Variants in MRAP2 observed in about 807,000 individuals in gnomAD.
MRAP2 encodes the protein melanocortin 2 receptor accessory protein 2, also known as melanocortin-2 receptor accessory protein 2.
Under a neutral mutation model 17.4 loss-of-function variants are expected in MRAP2, and 20 were observed. That is an observed-to-expected ratio of 1.15 (90% confidence interval 0.81 to 1.67). The LOEUF (loss-of-function observed/expected upper bound fraction) is 1.67, where lower values mean the gene tolerates loss of function less well. MRAP2 is among the 40% of genes most tolerant of loss of function. The pLI is 0.00. For synonymous variants in MRAP2, 96 were observed against 88.4 expected, an observed-to-expected ratio of 1.09 and a Z score of -0.48; for missense variants, 238 against 240.0, an observed-to-expected ratio of 0.99 and a Z score of 0.05.
chr6:84,140,027 TTTATC>T, the MRAP2 span, among the ~76,000 whole-genome samples: 5 of 148,728 alleles, frequency 3.4e-5, no homozygotes, highest in African/African-American at 1.3e-4. Context: ...AGGTTCACCT[TTTATC>T]TTGTTTTATG....
intron 3 of MRAP2, among the ~76,000 whole-genome samples, chr6:84,080,797 G>A (rs1238861865): frequency 6.6e-6 from 1 of 152,140 alleles, no homozygotes; most frequent in Non-Finnish European, 1.5e-5. Flanking sequence ...ATCTCAGTTT[G>A]CCTAACAGTT....
the MRAP2 span, among the ~76,000 whole-genome samples, chr6:84,144,659 A>AGATT: frequency 1.3e-5 from 2 of 152,118 alleles, no homozygotes; most frequent in Non-Finnish European, 2.9e-5. Flanking sequence ...TCTAATGAAA[A>AGATT]GATTGATTGG....
the MRAP2 span, among the ~76,000 whole-genome samples, chr6:84,097,466 G>T: frequency 1.3e-5 from 2 of 151,770 alleles, no homozygotes; most frequent in South Asian, 4.2e-4. Context: ...TATTTAAGAG[G>T]GATTCAAATT....
At chr6:84,117,230 C>T in the MRAP2 span, among the ~76,000 whole-genome samples, 1 of 152,108 alleles carries the variant, frequency 6.6e-6, no homozygotes, top group Non-Finnish European at 1.5e-5. Context: ...ACCATATTGG[C>T]CAGGCTGGTC....
At chr6:84,033,729 G>C (rs1386952350), upstream of MRAP2, 3 of 985,168 alleles carry the variant, frequency 3.0e-6, no homozygotes, top group African/African-American at 5.2e-5. Context: ...CTCCGCTGCG[G>C]GTCGGGAGCG....
chr6:84,036,369 A>G (rs75585488), intron 1 of MRAP2, among the ~76,000 whole-genome samples: 1,891 of 152,278 alleles, frequency 0.012, 46 homozygotes, highest in African/African-American at 0.043. Flanking sequence ...GTGATGGTGT[A>G]TCTGAAATTG....
At position 84,073,540 on chromosome 6, in the gene MRAP2, G is replaced by A. The variant is rs536395408; in HGVS notation, c.227+10548G>A. 5.3e-5 allele frequency among the ~76,000 whole-genome samples: 8 copies of A among 152,300 alleles called. 1 individual carries two copies. The highest frequency in any genetic ancestry group is 1.9e-4 in the African/African-American group (8 of 41,562). On this transcript the variant is annotated intron_variant, in intron 3 of 3. Transcript: ENST00000257776. ...AGTGGATCTGGAGCTAAAATTCAGT[G>A]TGAGCCTCTGCACACTGCTCTGTCC... is the stretch of plus-strand genomic sequence containing the variant.
At chr6:84,061,869 T>TA (rs2099493260) in intron 2 of MRAP2, 1 of 985,464 alleles carries the variant, frequency 1.0e-6, no homozygotes, top group African/African-American at 1.7e-5. Flanking sequence ...GAATCTCTTT[T>TA]ACTCTGGAAA....
At chr6:84,130,895 T>G in the MRAP2 span, among the ~76,000 whole-genome samples, 1 of 152,330 alleles carries the variant, frequency 6.6e-6, no homozygotes, top group African/African-American at 2.4e-5. Context: ...TGTCTTCTGC[T>G]AGCTTTTGAA....
At chr6:84,131,997 G>A in the MRAP2 span, among the ~76,000 whole-genome samples, 15 of 152,130 alleles carry the variant, frequency 9.9e-5, no homozygotes, top group South Asian at 4.1e-4. Flanking sequence ...TCCTTTCCAC[G>A]TTTAGTGCTT....
At chr6:84,086,538 A>G (rs73752632) in intron 3 of MRAP2, among the ~76,000 whole-genome samples, 20,623 of 152,218 alleles carry the variant, frequency 0.14, 1,434 homozygotes, top group Middle Eastern at 0.23. Flanking sequence ...TTATCAGTCA[A>G]GGAAAGAAGA....
chr6:84,066,843 A>G (rs2099494835), intron 3 of MRAP2, among the ~76,000 whole-genome samples: 1 of 152,126 alleles, frequency 6.6e-6, no homozygotes, highest in African/African-American at 2.4e-5. Flanking sequence ...GCAATTTTTA[A>G]TCTCTTCCTT....
rs1456427423 is a variant in MRAP2, at chr6:84,033,865, G to T, written c.-26G>T. 1.2e-5 allele frequency: 12 copies of T among 973,684 alleles called. No individual in the cohort carries two copies. The highest frequency in any genetic ancestry group is 1.4e-5 in the Non-Finnish European group (12 of 830,204). The allele number at this position is 973,684 out of a possible 1,614,324, so 60.3% of individuals were successfully genotyped here. On this transcript the variant is annotated 5_prime_UTR_variant, in exon 1 of 4. Transcript: ENST00000257776. The stretch of plus-strand genomic sequence containing the variant: ...AGCCGGAACCAGGGCCGAGCCCGCG[G>T]GCCGGGGCTAGCCAGCCGGTAACCA...
the MRAP2 span, among the ~76,000 whole-genome samples, chr6:84,113,636 G>A: frequency 6.6e-6 from 1 of 152,102 alleles, no homozygotes; most frequent in Non-Finnish European, 1.5e-5. Flanking sequence ...TATGATCCTA[G>A]CTGGTTATTT....
chr6:84,055,484 A>G (rs2099491481), intron 2 of MRAP2, 39 bp downstream of exon 2: 1 of 1,594,432 alleles, frequency 6.3e-7, no homozygotes. Context: ...GCATAATTGT[A>G]TTTCTCTTAA....
At chr6:84,126,409 C>T in the MRAP2 span, 6 of 1,603,192 alleles carry the variant, frequency 3.7e-6, no homozygotes, top group African/African-American at 1.3e-5. Context: ...TTGTGCATGT[C>T]TCATTTCCAT....
the MRAP2 span, among the ~76,000 whole-genome samples, chr6:84,102,852 T>G: frequency 6.6e-6 from 1 of 152,076 alleles, no homozygotes; most frequent in Admixed American, 6.6e-5. Context: ...TGTCAAGCAA[T>G]TTTTTAGGAA....
intron 2 of MRAP2, among the ~76,000 whole-genome samples, chr6:84,059,279 T>C (rs1285752058): frequency 6.6e-6 from 1 of 152,094 alleles, no homozygotes; most frequent in Non-Finnish European, 1.5e-5. Context: ...AGAAGCCAGG[T>C]CATTAGGATG....
the MRAP2 span, among the ~76,000 whole-genome samples, chr6:84,142,720 TA>T: frequency 8.5e-5 from 13 of 152,268 alleles, no homozygotes; most frequent in South Asian, 2.7e-3. Context: ...ATCAAATAAG[TA>T]TCTCTGCTAG....
Sources: gnomAD v4.1 joint callset for allele counts (sites outside exome capture counted in the v4.1 genomes callset) on GRCh38, gnomAD v4.1.1 for gene constraint, MANE v1.5 for transcripts, NCBI Gene and HGNC (gene_info 2026-07-23, HGNC 2026-07-21) for gene names.